Variants in FER1L6 observed in about 807,000 individuals in gnomAD.
The protein encoded by FER1L6 is fer-1-like protein 6.
Under a neutral mutation model 219.2 loss-of-function variants are expected in FER1L6, and 177 were observed. That is an observed-to-expected ratio of 0.81 (90% CI 0.71 to 0.91). The LOEUF is 0.91. FER1L6 is among the 40% of genes least tolerant of loss of function. FER1L6 has a pLI of 0.00. For synonymous variants in FER1L6, 768 were observed against 824.3 expected, an observed-to-expected ratio of 0.93 and a Z score of 1.17; for missense variants, 2,153 against 2,259.9, an observed-to-expected ratio of 0.95 and a Z score of 0.96.
intron 38 of FER1L6, 120 bp downstream of exon 38, chr8:124,101,458 A>T (rs1822546879): frequency 1.1e-6 from 1 of 881,492 alleles, no homozygotes; most frequent in Non-Finnish European, 1.7e-6. Context: ...GATAGCAAAA[A>T]CCTGGAAACA....
intron 1 of FER1L6, among the ~76,000 whole-genome samples, chr8:123,901,251 G>A (rs954065669): frequency 4.6e-5 from 7 of 152,110 alleles, no homozygotes; most frequent in Non-Finnish European, 1.0e-4. Flanking sequence ...ATTTTTCCAG[G>A]AATTAATCCA....
chr8:124,057,568 C>T (rs1412652824), intron 22 of FER1L6, among the ~76,000 whole-genome samples: 6 of 151,824 alleles, frequency 4.0e-5, no homozygotes, highest in African/African-American at 1.5e-4. Flanking sequence ...TGTTCTATTC[C>T]TCCTCTTTTC....
intron 1 of FER1L6, among the ~76,000 whole-genome samples, chr8:123,945,046 T>G (rs1814427262): frequency 6.6e-6 from 1 of 152,228 alleles, no homozygotes; most frequent in Admixed American, 6.5e-5. Flanking sequence ...TCAATGAAGC[T>G]TTCCTCATTG....
At chr8:124,061,743 G>A (rs1236580722) in intron 24 of FER1L6, 109 bp from the exon 25 acceptor site, 1 of 1,062,046 alleles carries the variant, frequency 9.4e-7, no homozygotes, top group African/African-American at 1.6e-5. Context: ...CTGGCCAGGA[G>A]GGACAGAATG....
intron 12 of FER1L6, among the ~76,000 whole-genome samples, chr8:123,993,277 C>T (rs1193721178): frequency 6.6e-6 from 1 of 151,392 alleles, no homozygotes; most frequent in African/African-American, 2.4e-5. Flanking sequence ...CCCGTCTCTA[C>T]TAAAAATACA....
intron 1 of FER1L6, among the ~76,000 whole-genome samples, chr8:123,930,957 G>T (rs888820161): frequency 7.2e-5 from 11 of 152,104 alleles, no homozygotes; most frequent in African/African-American, 2.7e-4. Context: ...CCCCACTGGG[G>T]TTCTACTCTT....
intron 1 of FER1L6, among the ~76,000 whole-genome samples, chr8:123,895,239 A>C (rs369850111): frequency 1.3e-5 from 2 of 152,216 alleles, no homozygotes; most frequent in Admixed American, 1.3e-4. Flanking sequence ...TTTTGACAGC[A>C]TGAAAGTCAA....
intron 22 of FER1L6, chr8:124,059,074 C>T (rs911329922): frequency 1.3e-5 from 2 of 152,142 alleles, no homozygotes; most frequent in African/African-American, 2.4e-5. Context: ...GTCAGTCAAC[C>T]GGTAAACATC....
At position 124,095,038 on chromosome 8, in the gene FER1L6, G is replaced by A; in HGVS notation, c.4695G>A (p.Gln1565=). 1 of 1,614,040 alleles carries A rather than the reference G, an allele frequency of 6.2e-7. No individual in the cohort carries two copies. The stretch of plus-strand genomic sequence containing the variant: ...ACAAGGATAAGCCAGGAATGGAGCA[G>A]GTAGTGGGCAAGACTATTCTGGCCC... ...LYHKDKPGME[Q]GRLQMWVDMF... The change falls in exon 35 of 41, where the codon CAG becomes CAA. Residue 1565 remains glutamine, a splice_region_variant and synonymous_variant. Transcript: ENST00000522917.
Position 123,980,568 on chromosome 8 carries a change from A to G in FER1L6, c.1167A>G (p.Glu389=). 1 of 1,614,158 alleles carries G rather than the reference A, an allele frequency of 6.2e-7. No individual in the cohort carries two copies. The change falls in exon 11 of 41, where the codon GAA becomes GAG. Residue 389 remains glutamate (E), a synonymous_variant. Transcript: ENST00000522917. ...DYQEMNEGFG[E]GVSFRGRILV... ...AGGAAATGAACGAAGGCTTTGGGGA[A>G]GGTGTGTCATTCAGGGGCAGAATCT...
At chr8:123,965,985 A>T in intron 3 of FER1L6, 22 bp from the exon 4 acceptor site, 1 of 1,594,036 alleles carries the variant, frequency 6.3e-7, no homozygotes, top group Admixed American at 1.7e-5. Flanking sequence ...TGAAACAAAC[A>T]TATTAAACTT....
chr8:123,929,850 AT>A (rs1813701612), intron 1 of FER1L6, among the ~76,000 whole-genome samples: 1 of 152,068 alleles, frequency 6.6e-6, no homozygotes, highest in Non-Finnish European at 1.5e-5. Context: ...TCTAAGAGAC[AT>A]GTGTTCCCCC....
chr8:123,919,002 C>T (rs1813276591), intron 1 of FER1L6, among the ~76,000 whole-genome samples: 1 of 152,098 alleles, frequency 6.6e-6, no homozygotes, highest in South Asian at 2.1e-4. Flanking sequence ...GTGGATGGCT[C>T]CAGTGGGATC....
chr8:124,013,865 T>A (rs1300828350), intron 15 of FER1L6, among the ~76,000 whole-genome samples: 1 of 152,172 alleles, frequency 6.6e-6, no homozygotes, highest in African/African-American at 2.4e-5. Flanking sequence ...GACACTTAGA[T>A]GGGCAGAAGA....
At chr8:124,013,594 C>A in intron 15 of FER1L6, 63 bp downstream of exon 15, 2 of 1,137,672 alleles carry the variant, frequency 1.8e-6, no homozygotes, top group Non-Finnish European at 1.2e-6. Flanking sequence ...TTTTAATTAC[C>A]TTGAGAAAGT....
At position 123,978,726 on chromosome 8, in the gene FER1L6, A is replaced by G. The variant is rs541995342; in HGVS notation, c.1063+1117A>G. Among the ~76,000 whole-genome samples, 4 of 152,282 alleles carry G rather than the reference A, an allele frequency of 2.6e-5. No individual in the cohort carries two copies. In the East Asian group the frequency reaches 7.7e-4, roughly 29 times the overall value. On this transcript the variant is annotated intron_variant, in intron 10 of 40. Coordinates refer to ENST00000522917, the MANE Select transcript of FER1L6 (RefSeq NM_001039112.2). ...GTATATGGTTAATGTAATTATTTTAATTTTTTACTTGATTAGACTAAAGGC... is the reference window on the plus strand; with the variant it reads ...GTATATGGTTAATGTAATTATTTTAGTTTTTTACTTGATTAGACTAAAGGC...
At chr8:123,901,701 T>C (rs962507158) in intron 1 of FER1L6, among the ~76,000 whole-genome samples, 4 of 151,992 alleles carry the variant, frequency 2.6e-5, no homozygotes, top group African/African-American at 9.7e-5. Flanking sequence ...TAGGTTGTGT[T>C]GTTGTCATTC....
chr8:123,980,399 A>G, intron 10 of FER1L6, 66 bp from the exon 11 acceptor site: 1 of 1,282,340 alleles, frequency 7.8e-7, no homozygotes, highest in Non-Finnish European at 1.1e-6. Flanking sequence ...ACATTTTGAA[A>G]TGAATGTGTG....
At chr8:124,052,235 TTAAA>T (rs1820075500) in intron 22 of FER1L6, among the ~76,000 whole-genome samples, 1 of 152,186 alleles carries the variant, frequency 6.6e-6, no homozygotes, top group African/African-American at 2.4e-5. Flanking sequence ...AAAACCAGCA[TTAAA>T]TAGTGTTGGA....
Sources: allele counts gnomAD v4.1 joint callset (sites outside exome capture counted in the v4.1 genomes callset), GRCh38; gene constraint gnomAD v4.1.1; transcripts MANE v1.5; gene names NCBI Gene and HGNC (gene_info 2026-07-23, HGNC 2026-07-21).